DSCAM: variants seen among roughly 807,000 people sequenced by gnomAD.
DSCAM encodes cell adhesion molecule DSCAM.
Under a neutral mutation model 217.7 loss-of-function variants are expected in DSCAM, and 47 were observed. That is an observed-to-expected ratio of 0.22 (90% CI 0.17 to 0.28). The LOEUF (loss-of-function observed/expected upper bound fraction) is 0.28, where lower values mean the gene tolerates loss of function less well. Ranked by LOEUF, DSCAM falls within the 10% of genes least tolerant of loss-of-function variation. The pLI, the probability that DSCAM is intolerant of heterozygous loss-of-function variation, is 1.00. For synonymous variants in DSCAM, 1,056 were observed against 1,015.3 expected, an observed-to-expected ratio of 1.04 and a Z score of -0.76; for missense variants, 2,080 against 2,618.3, an observed-to-expected ratio of 0.79 and a Z score of 4.49.
In DSCAM at chr21:40,180,412, G is replaced by A. The variant is rs114966364; in HGVS notation, c.2780-1318C>T. Among the ~76,000 whole-genome samples the A allele has an allele frequency of 6.7e-3, 1,023 of 152,280 alleles. 16 individuals are homozygous for A. The highest frequency in any genetic ancestry group is 0.024 in the African/African-American group (988 of 41,556). On this transcript the variant is annotated intron_variant, in intron 14 of 32. Transcript: ENST00000400454. ...TGAATATTGCAGTTAGAAGGAAAAAGCATATTTGGGGTCAAGAAGATTAGA... is the reference window on the plus strand; with the variant it reads ...TGAATATTGCAGTTAGAAGGAAAAAACATATTTGGGGTCAAGAAGATTAGA...
intron 3 of DSCAM, among the ~76,000 whole-genome samples, chr21:40,682,205 G>A (rs1200251449): frequency 1.3e-5 from 2 of 151,986 alleles, no homozygotes; most frequent in African/African-American, 4.8e-5. Flanking sequence ...GCGGGGGAGT[G>A]AATAAGCAGG....
chr21:40,517,201 CAT>C (rs965313876), intron 3 of DSCAM, among the ~76,000 whole-genome samples: 2 of 148,614 alleles, frequency 1.3e-5, no homozygotes, highest in African/African-American at 2.5e-5. Flanking sequence ...TCTGCATATA[CAT>C]ATATATGCAC....
intron 3 of DSCAM, among the ~76,000 whole-genome samples, chr21:40,371,975 G>A (rs2074903960): frequency 6.6e-6 from 1 of 152,114 alleles, no homozygotes; most frequent in Non-Finnish European, 1.5e-5. Context: ...ATCTCATCTT[G>A]AAATTGATCA....
chr21:40,817,519 T>C (rs1490547371), intron 1 of DSCAM, among the ~76,000 whole-genome samples: 1 of 152,198 alleles, frequency 6.6e-6, no homozygotes, highest in African/African-American at 2.4e-5. Flanking sequence ...AGCGCCCTGT[T>C]TGTCCATTTA....
intron 1 of DSCAM, among the ~76,000 whole-genome samples, chr21:40,765,929 T>A (rs912975404): frequency 2.0e-5 from 3 of 152,208 alleles, no homozygotes; most frequent in African/African-American, 7.2e-5. Context: ...ACCTCCGCCC[T>A]GTGCTGCTGA....
chr21:40,040,474 A>T (rs922101125), intron 32 of DSCAM, among the ~76,000 whole-genome samples: 3 of 152,202 alleles, frequency 2.0e-5, no homozygotes, highest in Admixed American at 6.5e-5. Flanking sequence ...TCACACACAA[A>T]GGGAAAATGA....
At chr21:40,161,181 T>A (rs1343712524) in intron 16 of DSCAM, among the ~76,000 whole-genome samples, 1 of 152,154 alleles carries the variant, frequency 6.6e-6, no homozygotes, top group African/African-American at 2.4e-5. Flanking sequence ...CCGGACCCTT[T>A]GTGCATGCAG....
intron 1 of DSCAM, among the ~76,000 whole-genome samples, chr21:40,763,173 T>C (rs1173831849): frequency 6.6e-6 from 1 of 152,104 alleles, no homozygotes; most frequent in Non-Finnish European, 1.5e-5. Context: ...GCAGACGACA[T>C]GATTGTATAT....
chr21:40,299,751 AATGAC>A (rs1413797350), intron 9 of DSCAM, among the ~76,000 whole-genome samples: 1 of 152,076 alleles, frequency 6.6e-6, no homozygotes, highest in Non-Finnish European at 1.5e-5. Flanking sequence ...AGCATATGAG[AATGAC>A]CATTATCCCT....
intron 8 of DSCAM, among the ~76,000 whole-genome samples, chr21:40,332,098 C>T (rs560852057): frequency 4.6e-5 from 7 of 152,316 alleles, no homozygotes; most frequent in African/African-American, 1.4e-4. Flanking sequence ...CCCTCTTTCA[C>T]CAAATCCATT....
chr21:40,596,869 C>CATAT (rs3070786), intron 3 of DSCAM, among the ~76,000 whole-genome samples: 11 of 150,774 alleles, frequency 7.3e-5, no homozygotes, highest in South Asian at 2.1e-4. Flanking sequence ...ACAAATATTT[C>CATAT]ATATATATAT....
intron 1 of DSCAM, among the ~76,000 whole-genome samples, chr21:40,738,732 C>T (rs1045146050): frequency 6.6e-6 from 1 of 152,182 alleles, no homozygotes; most frequent in Non-Finnish European, 1.5e-5. Context: ...CACAAATCAT[C>T]GAGTGACGTT....
intron 3 of DSCAM, among the ~76,000 whole-genome samples, chr21:40,497,141 T>G (rs2076125335): frequency 6.6e-6 from 1 of 152,182 alleles, no homozygotes; most frequent in Admixed American, 6.5e-5. Flanking sequence ...CACTGTTGGA[T>G]CTATATCCAA....
chr21:40,074,439 C>G (rs1241733037), intron 27 of DSCAM, among the ~76,000 whole-genome samples: 2 of 152,190 alleles, frequency 1.3e-5, no homozygotes, highest in Non-Finnish European at 1.5e-5. Flanking sequence ...TGAGAACAGC[C>G]TCATCACAGA....
chr21:40,370,567 C>G (rs919979721), intron 3 of DSCAM, among the ~76,000 whole-genome samples: 1 of 151,616 alleles, frequency 6.6e-6, no homozygotes, highest in African/African-American at 2.4e-5. Context: ...TGGTCATTTT[C>G]TGCAGTAACT....
At chr21:40,430,744 T>C (rs945497133) in intron 3 of DSCAM, among the ~76,000 whole-genome samples, 2 of 152,244 alleles carry the variant, frequency 1.3e-5, no homozygotes, top group Non-Finnish European at 2.9e-5. Context: ...CTTCCTCCTG[T>C]GTAGCTTTAC....
At chr21:40,303,599 T>A (rs2074039739) in intron 9 of DSCAM, among the ~76,000 whole-genome samples, 1 of 152,152 alleles carries the variant, frequency 6.6e-6, no homozygotes, top group Non-Finnish European at 1.5e-5. Flanking sequence ...AGAGACTTGG[T>A]GTCTTTATTT....
intron 1 of DSCAM, among the ~76,000 whole-genome samples, chr21:40,812,764 T>C (rs71318540): frequency 0.045 from 6,913 of 152,306 alleles, 234 homozygotes; most frequent in Non-Finnish European, 0.069. Context: ...GAGCCTTGGT[T>C]TGAACTTTAA....
At chr21:40,188,948 T>C (rs2090925334) in intron 12 of DSCAM, 94 bp downstream of exon 12, 51 of 1,253,592 alleles carry the variant, frequency 4.1e-5, no homozygotes, top group Non-Finnish European at 5.8e-5. Flanking sequence ...TCCGAAAGAT[T>C]ATCTGCTACT....
Sources: allele counts gnomAD v4.1 joint callset (sites outside exome capture counted in the v4.1 genomes callset), GRCh38; gene constraint gnomAD v4.1.1; transcripts MANE v1.5; gene names NCBI Gene and HGNC (gene_info 2026-07-23, HGNC 2026-07-21).